PER3: variants seen among roughly 807,000 people sequenced by gnomAD.
The protein encoded by PER3 is period circadian protein homolog 3.
In PER3, 107 loss-of-function variants were observed where a neutral mutation model predicts 127.2. That is an observed-to-expected ratio of 0.84 (90% CI 0.72 to 0.99). PER3 has a LOEUF of 0.99. PER3 is among the 50% of genes least tolerant of loss of function. The probability of loss-of-function intolerance (pLI) is 0.00; values close to 1 mark genes in which losing one functional copy is unlikely to be tolerated. For synonymous variants in PER3, 618 were observed against 585.8 expected (o/e 1.05, Z -0.79); for missense variants, 1,560 against 1,525.8 (o/e 1.02, Z -0.37).
intron 3 of PER3, 52 bp from the exon 4 acceptor site, chr1:7,786,669 C>T (rs2097092502): frequency 3.2e-6 from 3 of 930,104 alleles, no homozygotes; most frequent in Admixed American, 1.7e-5. Flanking sequence ...AAATGGTTTC[C>T]TAAAGATACT....
In PER3 at chr1:7,784,973, T is replaced by G; in HGVS notation, c.96T>G (p.His32Gln). Reference protein sequence around the residue: ...ESGERWSPEFHLQRKLADSSH... With the variant: ...ESGERWSPEFQLQRKLADSSH... ...GGGAGCGGTGGAGCCCCGAGTTCCA[T>G]CTGCAGAGGAAATTGGCGGACAGCA... The change falls in exon 2 of 22, where the codon CAT becomes CAG. Residue 32 changes from histidine to glutamine, a missense_variant. Physicochemically the swap from His to Gln is conservative, Grantham distance 24. Coordinates refer to ENST00000377532, the MANE Select transcript of PER3 (RefSeq NM_001377275.1). 1.9e-6 allele frequency: 3 copies of G among 1,560,596 alleles called. No homozygotes were observed. The highest frequency in any genetic ancestry group is 2.6e-6 in the Non-Finnish European group (3 of 1,161,560).
intron 13 of PER3, chr1:7,810,806 A>T (rs2097216136): frequency 5.3e-6 from 2 of 377,294 alleles, no homozygotes; most frequent in Non-Finnish European, 9.5e-6. Flanking sequence ...ATGTATTTGT[A>T]ACAGTTGCAG....
At chr1:7,808,254 A>T (rs948379608) in intron 10 of PER3, among the ~76,000 whole-genome samples, 12 of 133,010 alleles carry the variant, frequency 9.0e-5, no homozygotes, top group African/African-American at 2.9e-4. Flanking sequence ...AAAAAAAAAA[A>T]AAAAACTAGT....
chr1:7,786,847 A>T lies in PER3; in HGVS notation c.390+11A>T. 1 of 1,497,654 alleles carries T rather than the reference A, an allele frequency of 6.7e-7. No individual in the cohort carries two copies. The highest frequency in any genetic ancestry group is 9.3e-7 in the Non-Finnish European group (1 of 1,073,710). The allele number at this position is 1,497,654 out of a possible 1,614,324, so 92.8% of individuals were successfully genotyped here. A position where few individuals can be genotyped will look rare whatever the true frequency, so the allele number is the denominator to read the frequency against. On this transcript the variant is annotated intron_variant, in intron 4 of 21. Transcript: ENST00000377532. Reference sequence around the variant, plus strand: ...ACTTCCAAAAACACAGTAAGAATTCATGCATTTTGCCATATCAACCTGGGT... The same window carrying T: ...ACTTCCAAAAACACAGTAAGAATTCTTGCATTTTGCCATATCAACCTGGGT...
At chr1:7,821,756 A>G (rs1013979588) in intron 16 of PER3, among the ~76,000 whole-genome samples, 7 of 152,204 alleles carry the variant, frequency 4.6e-5, no homozygotes, top group African/African-American at 1.7e-4. Flanking sequence ...ATCAGCCTCA[A>G]CATTTACAGG....
intron 10 of PER3, among the ~76,000 whole-genome samples, chr1:7,807,194 C>T (rs1004295999): frequency 1.3e-5 from 2 of 152,094 alleles, no homozygotes; most frequent in Non-Finnish European, 2.9e-5. Flanking sequence ...TTACATAAAA[C>T]GTATAGTGTG....
chr1:7,806,808 A>ATAT (rs58879633), intron 10 of PER3, among the ~76,000 whole-genome samples: 624 of 60,670 alleles, frequency 0.01, 5 homozygotes, highest in East Asian at 0.075. Flanking sequence ...AAAAAAAAAA[A>ATAT]AAAAATATAT....
intron 16 of PER3, among the ~76,000 whole-genome samples, chr1:7,823,825 C>T (rs2097289153): frequency 6.6e-6 from 1 of 152,156 alleles, no homozygotes; most frequent in African/African-American, 2.4e-5. Flanking sequence ...GAACGTGAGA[C>T]CCAGTAACTG....
At chr1:7,787,315 T>C in intron 4 of PER3, 1 of 226,258 alleles carries the variant, frequency 4.4e-6, no homozygotes, top group Non-Finnish European at 8.5e-6. Flanking sequence ...TTTTAATCTC[T>C]CTTCTTGTTT....
intron 19 of PER3, among the ~76,000 whole-genome samples, chr1:7,832,704 T>C (rs1419793529): frequency 1.1e-5 from 1 of 91,226 alleles, no homozygotes; most frequent in Non-Finnish European, 2.1e-5. Context: ...TCTTTTCTCT[T>C]TACTTTGGAT....
intron 19 of PER3, among the ~76,000 whole-genome samples, chr1:7,835,009 A>G (rs56204811): frequency 0.12 from 17,820 of 152,160 alleles, 1,301 homozygotes; most frequent in South Asian, 0.23. Context: ...GAGGGGGTAC[A>G]TATATCATTA....
chr1:7,801,507 G>A (rs74834598), intron 8 of PER3, among the ~76,000 whole-genome samples: 2 of 152,308 alleles, frequency 1.3e-5, no homozygotes, highest in South Asian at 2.1e-4. Flanking sequence ...ATCTGATTGC[G>A]CTCAAACTGG....
intron 5 of PER3, among the ~76,000 whole-genome samples, chr1:7,790,818 C>T (rs1340713230): frequency 1.3e-5 from 2 of 152,224 alleles, no homozygotes; most frequent in Non-Finnish European, 2.9e-5. Flanking sequence ...GGGCTACAGG[C>T]CCCTTGCAAG....
At chr1:7,794,953 A>C (rs970526268) in intron 6 of PER3, among the ~76,000 whole-genome samples, 7 of 152,104 alleles carry the variant, frequency 4.6e-5, no homozygotes, top group African/African-American at 1.7e-4. Flanking sequence ...AATATTTTGA[A>C]ATGACATTGT....
intron 11 of PER3, 130 bp from the exon 12 acceptor site, chr1:7,809,763 C>A: frequency 1.2e-6 from 1 of 840,794 alleles, no homozygotes; most frequent in Non-Finnish European, 1.8e-6. Flanking sequence ...TTAAAAGTAC[C>A]AACCTGCACA....
At chr1:7,803,188 T>G in intron 9 of PER3, 35 bp downstream of exon 9, 1 of 1,208,410 alleles carries the variant, frequency 8.3e-7, no homozygotes, top group Non-Finnish European at 1.2e-6. Context: ...GGAAATATTT[T>G]TCTCTCATTG....
chr1:7,813,305 G>T (rs1005761221), intron 13 of PER3, among the ~76,000 whole-genome samples: 1 of 152,170 alleles, frequency 6.6e-6, no homozygotes, highest in African/African-American at 2.4e-5. Flanking sequence ...TTCTGCTCAG[G>T]GATGTAGAGA....
rs1314179083 is a variant in PER3, at chr1:7,827,663, G to A, written c.2734G>A (p.Glu912Lys). ...PPSVTSQRRE[E>K]EKWEAQSEGH... ...TTCAGTCACCAGCCAAAGGAGAGAG[G>A]AGGAAAAGTGGGAGGCACAAAGCGA... The change falls in exon 18 of 22, where the codon GAG becomes AAG. Residue 912 changes from glutamate to lysine, a missense_variant. Around this residue, in one of 3 missense-constraint regions of PER3, gnomAD observed 1,332 missense variants for 1,223.6 expected, o/e 1.09. Transcript: ENST00000377532. The A allele has an allele frequency of 2.5e-6, 4 of 1,614,208 alleles. No individual in the cohort carries two copies. The South Asian group carries it at 3.3e-5, about 13-fold the overall frequency.
At position 7,827,179 on chromosome 1, in the gene PER3, G is replaced by A; in HGVS notation, c.2250G>A (p.Lys750=). Residue 750 remains lysine (K), a synonymous_variant, in exon 18 of 22, where the codon AAG becomes AAA. Transcript: ENST00000377532. ...GCAGGAAAGGGAAGCACAAGCGGAA[G>A]AAGCTGCCGGAGCCGCCAGACAGCA... ...AGCRKGKHKR[K]KLPEPPDSSS... is the part of the protein sequence containing the mutation. 2 of 1,612,818 alleles carry A rather than the reference G, an allele frequency of 1.2e-6. No individual in the cohort carries two copies. Among genetic ancestry groups the A allele is most frequent in the Non-Finnish European group, 1.7e-6 (2 of 1,179,616 alleles).
Sources: gnomAD v4.1 joint callset for allele counts (sites outside exome capture counted in the v4.1 genomes callset) on GRCh38, gnomAD v4.1.1 for gene constraint, gnomAD v4.1.1 regional missense constraint, MANE v1.5 for transcripts, NCBI Gene and HGNC (gene_info 2026-07-23, HGNC 2026-07-21) for gene names.